PPFIBP2: variants seen among roughly 807,000 people sequenced by gnomAD.
PPFIBP2 encodes liprin-beta-2.
Under a neutral mutation model 118.3 loss-of-function variants are expected in PPFIBP2, and 118 were observed. The ratio of observed to expected loss-of-function variants is 1.00; its 90% CI spans 0.86 to 1.16. The LOEUF is 1.16. PPFIBP2 is among the 50% of genes most tolerant of loss of function. The pLI is 0.00. For synonymous variants in PPFIBP2, 414 were observed against 397.4 expected (o/e 1.04, Z -0.50); for missense variants, 1,195 against 1,073.1 (o/e 1.11, Z -1.59).
the PPFIBP2 span, chr11:7,665,108 T>G: frequency 6.6e-6 from 2 of 303,642 alleles, no homozygotes; most frequent in South Asian, 6.0e-5. Flanking sequence ...GCTGTCTGCT[T>G]TGTACTTGAG....
chr11:7,554,738 C>T (rs1853391904), intron 2 of PPFIBP2, among the ~76,000 whole-genome samples: 1 of 151,842 alleles, frequency 6.6e-6, no homozygotes, highest in South Asian at 2.1e-4. Flanking sequence ...TTAAATGAAA[C>T]TCCTTGTAAA....
chr11:7,609,619 T>C (rs1847821211), intron 5 of PPFIBP2, among the ~76,000 whole-genome samples: 1 of 152,232 alleles, frequency 6.6e-6, no homozygotes, highest in African/African-American at 2.4e-5. Context: ...AGTCTGCTAC[T>C]GTTCTAGTGA....
At chr11:7,631,472 G>T (rs1239851246) in intron 11 of PPFIBP2, among the ~76,000 whole-genome samples, 2 of 151,986 alleles carry the variant, frequency 1.3e-5, no homozygotes, top group African/African-American at 4.8e-5. Context: ...CTGAAATGCC[G>T]CATTCCTGCT....
intron 2 of PPFIBP2, among the ~76,000 whole-genome samples, chr11:7,552,812 G>A (rs1024469678): frequency 1.5e-4 from 23 of 151,846 alleles, no homozygotes; most frequent in Admixed American, 6.6e-4. Flanking sequence ...AAATGTTACC[G>A]TACCGGAAGG....
intron 2 of PPFIBP2, among the ~76,000 whole-genome samples, chr11:7,550,283 T>G (rs4556519): frequency 0.098 from 14,993 of 152,280 alleles, 808 homozygotes; most frequent in African/African-American, 0.15. Context: ...TGGATGTGCT[T>G]CTTTGGAACT....
At chr11:7,598,206 G>A in intron 5 of PPFIBP2, 1 of 208,870 alleles carries the variant, frequency 4.8e-6, no homozygotes, top group Non-Finnish European at 9.9e-6. Context: ...TTTTGTCCTT[G>A]TTATGTGTAC....
At chr11:7,580,520 T>A (rs573698609) in intron 3 of PPFIBP2, among the ~76,000 whole-genome samples, 30 of 152,308 alleles carry the variant, frequency 2.0e-4, no homozygotes, top group African/African-American at 6.7e-4. Flanking sequence ...GAGATACTTA[T>A]GTTCAGAGAG....
chr11:7,569,916 T>C (rs1306162867), intron 3 of PPFIBP2, among the ~76,000 whole-genome samples: 1 of 152,092 alleles, frequency 6.6e-6, no homozygotes, highest in African/African-American at 2.4e-5. Context: ...TTATTTCAGT[T>C]CAGGAGCCCC....
chr11:7,603,945 C>G (rs533457466), intron 5 of PPFIBP2, among the ~76,000 whole-genome samples: 3 of 152,150 alleles, frequency 2.0e-5, no homozygotes, highest in African/African-American at 7.2e-5. Flanking sequence ...AGCCTTTGCC[C>G]CTTATCCTCA....
At chr11:7,532,741 C>T (rs952867864) in intron 1 of PPFIBP2, among the ~76,000 whole-genome samples, 1 of 152,210 alleles carries the variant, frequency 6.6e-6, no homozygotes, top group Non-Finnish European at 1.5e-5. Context: ...GTTGACAGTG[C>T]ACACAGGCCT....
chr11:7,532,351 C>T (rs139274767), intron 1 of PPFIBP2, among the ~76,000 whole-genome samples: 63 of 152,288 alleles, frequency 4.1e-4, no homozygotes, highest in Non-Finnish European at 5.9e-4. Context: ...AGGACTTCAA[C>T]ATAAGAATTT....
intron 2 of PPFIBP2, among the ~76,000 whole-genome samples, chr11:7,550,392 C>T (rs1852838245): frequency 6.6e-6 from 1 of 152,220 alleles, no homozygotes; most frequent in African/African-American, 2.4e-5. Context: ...GTACCTGACA[C>T]TGCCCTTTCT....
At chr11:7,553,439 T>C (rs901457199) in intron 2 of PPFIBP2, among the ~76,000 whole-genome samples, 1 of 152,172 alleles carries the variant, frequency 6.6e-6, no homozygotes, top group Non-Finnish European at 1.5e-5. Flanking sequence ...TTTCTCAAGA[T>C]TGCTGAGGAC....
At chr11:7,579,096 T>C (rs1354843098) in intron 3 of PPFIBP2, among the ~76,000 whole-genome samples, 3 of 152,076 alleles carry the variant, frequency 2.0e-5, no homozygotes, top group East Asian at 1.9e-4. Flanking sequence ...TGATGTGGTA[T>C]ATGGTAAGCT....
At chr11:7,665,594 T>A in the PPFIBP2 span, 3 of 1,544,654 alleles carry the variant, frequency 1.9e-6, no homozygotes, top group Admixed American at 5.9e-5. Flanking sequence ...CCAGGTGGAG[T>A]TCCTGATCCC....
Position 7,628,357 on chromosome 11 carries a change from C to A in PPFIBP2, c.888+11C>A. On this transcript the variant is annotated intron_variant, in intron 9 of 23. Transcript: ENST00000299492. ...GCCAATGAAGATAAGGTAAGATGGT[C>A]ATTGGGTAGCCCTGTCTTTTCCATG... The A allele has an allele frequency of 1.2e-6, 2 of 1,612,656 alleles. No homozygotes were observed. Among genetic ancestry groups the A allele is most frequent in the South Asian group, 1.1e-5 (1 of 90,906 alleles).
At chr11:7,563,736 A>C (rs1854612501) in intron 2 of PPFIBP2, among the ~76,000 whole-genome samples, 1 of 152,194 alleles carries the variant, frequency 6.6e-6, no homozygotes, top group African/African-American at 2.4e-5. Flanking sequence ...CATATTTTCT[A>C]AAGTGTTTCT....
chr11:7,598,334 C>T (rs1185313531), intron 5 of PPFIBP2: 3 of 234,146 alleles, frequency 1.3e-5, no homozygotes, highest in African/African-American at 4.7e-5. Context: ...TTTACTATCA[C>T]CTATAATAGA....
rs772564746 is a variant in PPFIBP2 at position 7,641,465 on chromosome 11, T to C, written c.1376-14T>C. 1.4e-5 allele frequency: 22 copies of C among 1,613,556 alleles called. No homozygotes were observed. Among genetic ancestry groups the C allele is most frequent in the East Asian group, 2.2e-5 (1 of 44,872 alleles). On this transcript the variant is annotated splice_polypyrimidine_tract_variant and intron_variant, in intron 15 of 23. Transcript: ENST00000299492. Reference sequence around the variant, plus strand: ...ATCCTTACATTCACATTCATTGCCTTCTTCCAATCTCAGGAGACACAGAAA... The same window carrying C: ...ATCCTTACATTCACATTCATTGCCTCCTTCCAATCTCAGGAGACACAGAAA...
Sources: allele counts gnomAD v4.1 joint callset (sites outside exome capture counted in the v4.1 genomes callset), GRCh38; gene constraint gnomAD v4.1.1; transcripts MANE v1.5; gene names NCBI Gene and HGNC (gene_info 2026-07-23, HGNC 2026-07-21).